LRRC49: variants seen among roughly 807,000 people sequenced by gnomAD.
LRRC49 encodes the protein leucine rich repeat containing 49, also known as leucine-rich repeat-containing protein 49.
LRRC49 carries 50 observed loss-of-function variants against 83.3 expected under a neutral mutation model. The observed-to-expected ratio is 0.60, with a 90% CI of 0.48 to 0.76. LRRC49 has a LOEUF of 0.76. Ranked by LOEUF, LRRC49 falls within the 30% of genes least tolerant of loss-of-function variation. The pLI is 0.00. For synonymous variants in LRRC49, 286 were observed against 283.3 expected, an observed-to-expected ratio of 1.01 and a Z score of -0.10; for missense variants, 704 against 809.1, an observed-to-expected ratio of 0.87 and a Z score of 1.58.
rs1385737586 is a variant in LRRC49 at position 71,052,434 on chromosome 15, A to G, written c.*2822A>G. ...GGATGGTTACCAAGTGTGCAGGTGG[A>G]CCTGAGGCTTGTTAACTGTGCTGCT... On this transcript the variant is annotated 3_prime_UTR_variant, in exon 16 of 16. Transcript: ENST00000260382. The G allele has an allele frequency of 6.6e-6, 1 of 152,206 alleles. No individual in the cohort carries two copies. Among genetic ancestry groups the G allele is most frequent in the East Asian group, 1.9e-4 (1 of 5,194 alleles). The allele number at this position is 152,206 out of a possible 1,614,324, so 9.4% of individuals were successfully genotyped here.
intron 15 of LRRC49, among the ~76,000 whole-genome samples, chr15:71,037,655 T>TA (rs750479131): frequency 1.3e-5 from 2 of 152,154 alleles, no homozygotes; most frequent in Non-Finnish European, 2.9e-5. Context: ...AGAAATAGGT[T>TA]ATAGGCTTGC....
intron 15 of LRRC49, among the ~76,000 whole-genome samples, chr15:71,048,078 A>ATTTTTTT (rs760450220): frequency 1.1e-4 from 12 of 106,724 alleles, no homozygotes; most frequent in Non-Finnish European, 2.4e-4. Context: ...ACCGGGCCAA[A>ATTTTTTT]TTTTTTTTTT....
At chr15:70,894,311 A>C (rs2033729331) in intron 2 of LRRC49, among the ~76,000 whole-genome samples, 1 of 152,134 alleles carries the variant, frequency 6.6e-6, no homozygotes, top group Admixed American at 6.5e-5. Context: ...ATGTCTTACT[A>C]CTAATGACAC....
intron 8 of LRRC49, among the ~76,000 whole-genome samples, chr15:70,945,258 C>T (rs895951071): frequency 1.4e-4 from 21 of 152,192 alleles, no homozygotes; most frequent in African/African-American, 2.2e-4. Context: ...CCGAGATGAA[C>T]GTGGCTTTTA....
chr15:70,922,774 G>GT (rs1448874162), intron 7 of LRRC49, among the ~76,000 whole-genome samples: 1 of 151,850 alleles, frequency 6.6e-6, no homozygotes, highest in East Asian at 1.9e-4. Flanking sequence ...AACAGCTCAT[G>GT]TACCCCATAA....
intron 10 of LRRC49, among the ~76,000 whole-genome samples, chr15:70,982,900 A>T (rs528408963): frequency 4.4e-4 from 67 of 152,322 alleles, no homozygotes; most frequent in African/African-American, 1.6e-3. Flanking sequence ...TAGATAACCA[A>T]AAATTATGCA....
At chr15:70,998,271 T>C (rs1299085758) in intron 11 of LRRC49, among the ~76,000 whole-genome samples, 1 of 152,192 alleles carries the variant, frequency 6.6e-6, no homozygotes, top group African/African-American at 2.4e-5. Flanking sequence ...GTAATTACCT[T>C]TCTTGATGTT....
chr15:70,988,692 G>C (rs1183576902), intron 11 of LRRC49, among the ~76,000 whole-genome samples: 1 of 151,658 alleles, frequency 6.6e-6, no homozygotes, highest in Non-Finnish European at 1.5e-5. Flanking sequence ...ATGTTAGCTG[G>C]TTATTTTGCT....
chr15:71,005,924 A>G (rs192911377), intron 11 of LRRC49, among the ~76,000 whole-genome samples: 36 of 152,326 alleles, frequency 2.4e-4, no homozygotes, highest in Non-Finnish European at 4.9e-4. Context: ...AATGGAGCTC[A>G]GAACACACTT....
chr15:70,871,921 C>T (rs1323158151), intron 1 of LRRC49, among the ~76,000 whole-genome samples: 1 of 141,152 alleles, frequency 7.1e-6, no homozygotes, highest in Non-Finnish European at 1.5e-5. Context: ...ACTGGGCGGC[C>T]GGGCAGAGGG....
chr15:71,013,930 G>A (rs899839546), intron 14 of LRRC49, among the ~76,000 whole-genome samples: 29 of 152,128 alleles, frequency 1.9e-4, no homozygotes, highest in Non-Finnish European at 2.6e-4. Flanking sequence ...CTTTAGCTGC[G>A]CTGAGGATCA....
In LRRC49 at chr15:70,984,206, AC is replaced by A. The variant is rs775590484; in HGVS notation, c.1122del (p.Cys375ValfsTer18). 3.5e-5 allele frequency: 56 copies of A among 1,613,166 alleles called. No individual in the cohort carries two copies. The highest frequency in any genetic ancestry group is 4.6e-5 in the Non-Finnish European group (54 of 1,179,534). On this transcript the variant is annotated frameshift_variant, in exon 11 of 16. Coordinates refer to ENST00000260382, the MANE Select transcript of LRRC49 (RefSeq NM_017691.5). LOFTEE classifies it high-confidence loss of function. Reference sequence around the variant, plus strand: ...AGAAAAGATTCTGACTCTCCTCAGGACCCCTGTCAGATTGATGGAAGCACCC... The same window carrying A: ...AGAAAAGATTCTGACTCTCCTCAGGACCCTGTCAGATTGATGGAAGCACCC... ...EDRKDSDSPQ[D>X]PCQIDGSTLS...
intron 2 of LRRC49, 114 bp downstream of exon 2, chr15:70,893,754 C>A: frequency 2.5e-6 from 2 of 790,558 alleles, no homozygotes; most frequent in Non-Finnish European, 4.1e-6. Flanking sequence ...AGTAGATTTG[C>A]TTTGATTTCC....
intron 8 of LRRC49, among the ~76,000 whole-genome samples, chr15:70,954,969 G>A (rs1252138773): frequency 6.6e-6 from 1 of 151,998 alleles, no homozygotes; most frequent in African/African-American, 2.4e-5. Flanking sequence ...AGGGGGCACC[G>A]TGGGCTTGGG....
At chr15:70,982,837 A>C (rs936983207) in intron 10 of LRRC49, among the ~76,000 whole-genome samples, 1 of 152,254 alleles carries the variant, frequency 6.6e-6, no homozygotes, top group Non-Finnish European at 1.5e-5. Context: ...TTAATTAAGC[A>C]AGCCATATCA....
At chr15:71,021,835 G>C (rs1437978300) in intron 14 of LRRC49, among the ~76,000 whole-genome samples, 1 of 152,138 alleles carries the variant, frequency 6.6e-6, no homozygotes, top group Admixed American at 6.5e-5. Flanking sequence ...AGGGTTCAAA[G>C]AAAAAGCAGA....
chr15:70,901,991 A>G (rs1337250652), intron 4 of LRRC49, among the ~76,000 whole-genome samples: 2 of 152,190 alleles, frequency 1.3e-5, no homozygotes, highest in Non-Finnish European at 2.9e-5. Flanking sequence ...CACACCTGAC[A>G]ACAAATTATA....
chr15:71,006,562 A>G (rs1285802636), intron 11 of LRRC49, among the ~76,000 whole-genome samples: 4 of 152,096 alleles, frequency 2.6e-5, no homozygotes. Flanking sequence ...CCTTCTTAAG[A>G]TATAATACAT....
chr15:70,987,118 C>T (rs925061907), intron 11 of LRRC49, among the ~76,000 whole-genome samples: 128 of 152,200 alleles, frequency 8.4e-4, no homozygotes, highest in African/African-American at 2.6e-3. Flanking sequence ...TGTCTCTACC[C>T]GGCTTTGGTA....
Sources: allele counts gnomAD v4.1 joint callset (sites outside exome capture counted in the v4.1 genomes callset), GRCh38; gene constraint gnomAD v4.1.1; transcripts MANE v1.5; gene names NCBI Gene and HGNC (gene_info 2026-07-23, HGNC 2026-07-21).